The following ZNF280B variants were observed in gnomAD, a reference collection of about 807,000 sequenced individuals.
ZNF280B encodes zinc finger protein 280B.
ZNF280B carries 16 observed loss-of-function variants against 38.0 expected under a neutral mutation model. That is an observed-to-expected ratio of 0.42 (90% CI 0.28 to 0.64). The LOEUF is 0.64. Among genes scored for constraint, ZNF280B ranks in the 30% least tolerant of loss-of-function variants. The pLI, the probability that ZNF280B is intolerant of heterozygous loss-of-function variation, is 0.21. For missense variants in ZNF280B, 581 were observed against 639.6 expected, an observed-to-expected ratio of 0.91 and a Z score of 0.99; for synonymous variants, 253 against 230.6, an observed-to-expected ratio of 1.10 and a Z score of -0.88.
rs922143188 is a variant in ZNF280B at position 22,485,244 on chromosome 22, C to T, written c.*2523G>A. On this transcript the variant is annotated 3_prime_UTR_variant, in exon 4 of 4. Coordinates refer to ENST00000626650, the MANE Select transcript of ZNF280B (RefSeq NM_080764.4). The stretch of plus-strand genomic sequence containing the variant: ...AAACAACAGTGTTGATAATACCAAC[C>T]AATCACTCAACATACAACTAAAACA... The T allele has an allele frequency of 3.3e-5, 5 of 151,870 alleles. No individual in the cohort carries two copies. The highest frequency in any genetic ancestry group is 7.4e-5 in the Non-Finnish European group (5 of 67,998). The allele number at this position is 151,870 out of a possible 1,614,324, so 9.4% of individuals were successfully genotyped here.
Position 22,487,484 on chromosome 22 carries a change from T to TAA in ZNF280B, c.*281_*282dup, listed in dbSNP as rs1054406921. On this transcript the variant is annotated 3_prime_UTR_variant, in exon 4 of 4. Coordinates refer to ENST00000626650, the MANE Select transcript of ZNF280B (RefSeq NM_080764.4). ...AAAAAAAAAAAAAAAAAATTAAAAT[T>TAA]AAAAAAATAAATTAATACCTTTTTC... 1 of 185,782 alleles carries TAA rather than the reference T, an allele frequency of 5.4e-6. No homozygotes were observed. The highest frequency in any genetic ancestry group is 2.5e-5 in the African/African-American group (1 of 39,814). The allele number at this position is 185,782 out of a possible 1,614,324, so 11.5% of individuals were successfully genotyped here.
chr22:22,506,989 A>G (rs1012697624), intron 2 of ZNF280B, among the ~76,000 whole-genome samples: 3 of 151,938 alleles, frequency 2.0e-5, no homozygotes, highest in Admixed American at 2.0e-4. Flanking sequence ...ATGGTATGCC[A>G]CTTCAGAAAT....
At position 22,487,716 on chromosome 22, in the gene ZNF280B, G is replaced by T; in HGVS notation, c.*51C>A. The T allele has an allele frequency of 6.7e-7, 1 of 1,483,600 alleles. No homozygotes were observed. 91.9% of individuals were successfully genotyped at this position (1,483,600 alleles called of 1,614,324 possible). On this transcript the variant is annotated 3_prime_UTR_variant, in exon 4 of 4. Coordinates refer to ENST00000626650, the MANE Select transcript of ZNF280B (RefSeq NM_080764.4). ...ATGGTTTGTATTTTTTGTTTTATGA[G>T]GTTTTTTAATTTGGTTTGAAATACT...
chr22:22,489,412 T>G lies in ZNF280B; in HGVS notation c.-14A>C. 6.4e-7 allele frequency: 1 copy of G among 1,573,550 alleles called. No homozygotes were observed. The highest frequency in any genetic ancestry group is 8.6e-7 in the Non-Finnish European group (1 of 1,164,852). ...TGATTGTTCCATTTTCTAATTTTTTTATTCCTGAATGGTGGGGCCACAAGT... is the reference window on the plus strand; with the variant it reads ...TGATTGTTCCATTTTCTAATTTTTTGATTCCTGAATGGTGGGGCCACAAGT... On this transcript the variant is annotated 5_prime_UTR_variant, in exon 4 of 4. Transcript: ENST00000626650.
Position 22,487,447 on chromosome 22 carries a change from TAAA to T in ZNF280B, c.*317_*319del, listed in dbSNP as rs71199481. The T allele has an allele frequency of 0.031, 2,042 of 66,568 alleles. 8 individuals are homozygous for T. Among genetic ancestry groups the T allele is most frequent in the Middle Eastern group, 0.064 (6 of 94 alleles). The allele number at this position is 66,568 out of a possible 1,614,324, so 4.1% of individuals were successfully genotyped here. A position where few individuals can be genotyped will look rare whatever the true frequency, so the allele number is the denominator to read the frequency against. On this transcript the variant is annotated 3_prime_UTR_variant, in exon 4 of 4. Transcript: ENST00000626650. ...TAACAGTGAGACCCTGTCTCTAAAGTAAAAAAAAAAAAAAAAAAAAAAAAAAAA... is the reference window on the plus strand; with the variant it reads ...TAACAGTGAGACCCTGTCTCTAAAGTAAAAAAAAAAAAAAAAAAAAAAAAA...
At chr22:22,495,381 TAACA>T (rs1395252114) in intron 2 of ZNF280B, among the ~76,000 whole-genome samples, 1 of 151,946 alleles carries the variant, frequency 6.6e-6, no homozygotes, top group Admixed American at 6.6e-5. Context: ...CGGTAAACAT[TAACA>T]GACAGAAATG....
At position 22,489,297 on chromosome 22, in the gene ZNF280B, A is replaced by G; in HGVS notation, c.102T>C (p.Gly34=). The G allele has an allele frequency of 6.2e-7, 1 of 1,613,864 alleles. No individual in the cohort carries two copies. The highest frequency in any genetic ancestry group is 8.5e-7 in the Non-Finnish European group (1 of 1,179,962). Reference sequence around the variant, plus strand: ...CAGCATCTTCATTTACATGTTCCACACCAACAAAGATGAGCTCAGCATCTT... The same window carrying G: ...CAGCATCTTCATTTACATGTTCCACGCCAACAAAGATGAGCTCAGCATCTT... ...DDEDAELIFV[G]VEHVNEDAEL... is the part of the protein sequence containing the mutation. The change falls in exon 4 of 4, where the codon GGT becomes GGC. Residue 34 remains glycine (G), a synonymous_variant. Transcript: ENST00000626650.
intron 2 of ZNF280B, among the ~76,000 whole-genome samples, chr22:22,506,125 A>C (rs1403406279): frequency 2.6e-5 from 4 of 151,998 alleles, no homozygotes; most frequent in East Asian, 2.0e-4. Context: ...TGAGCAGGTA[A>C]ATCTATGAGA....
intron 2 of ZNF280B, among the ~76,000 whole-genome samples, chr22:22,503,955 A>C (rs1002196851): frequency 9.2e-5 from 14 of 152,124 alleles, no homozygotes; most frequent in African/African-American, 3.4e-4. Flanking sequence ...AGACTTCTGC[A>C]GAGCATTCAC....
chr22:22,491,438 C>A (rs1345822751), intron 3 of ZNF280B, among the ~76,000 whole-genome samples: 2 of 146,478 alleles, frequency 1.4e-5, no homozygotes, highest in African/African-American at 2.5e-5. Flanking sequence ...TTTTCTATTT[C>A]ATTTTTCTTG....
chr22:22,501,866 C>T (rs766120479), intron 2 of ZNF280B, among the ~76,000 whole-genome samples: 2 of 151,722 alleles, frequency 1.3e-5, no homozygotes, highest in African/African-American at 2.4e-5. Flanking sequence ...AAAAATTAAC[C>T]GGGCGTGGTA....
chr22:22,507,640 T>G (rs778601338), intron 2 of ZNF280B, among the ~76,000 whole-genome samples, 170 bp downstream of exon 2: 3 of 151,664 alleles, frequency 2.0e-5, no homozygotes, highest in Non-Finnish European at 2.9e-5. Context: ...GGTTCCCGAA[T>G]GACCTACATC....
chr22:22,502,636 T>C (rs1177244286), intron 2 of ZNF280B, among the ~76,000 whole-genome samples: 1 of 151,942 alleles, frequency 6.6e-6, no homozygotes, highest in Non-Finnish European at 1.5e-5. Context: ...ACGGTGTACC[T>C]TGAAAATACA....
intron 3 of ZNF280B, among the ~76,000 whole-genome samples, 176 bp from the exon 4 acceptor site, chr22:22,489,642 A>G (rs2061553851): frequency 6.6e-6 from 1 of 151,886 alleles, no homozygotes; most frequent in East Asian, 2.0e-4. Flanking sequence ...ATCTAGAATC[A>G]TAACTTTGCT....
Position 22,488,470 on chromosome 22 carries a change from A to C in ZNF280B, c.929T>G (p.Leu310Arg). 1 of 1,613,842 alleles carries C rather than the reference A, an allele frequency of 6.2e-7. No homozygotes were observed. The highest frequency in any genetic ancestry group is 8.5e-7 in the Non-Finnish European group (1 of 1,179,960). ...ATTTTTTAGAACTTTCACGCAGCTG[A>C]GGCATTTAAAGGTGGTGTGAGTCTT... is the stretch of plus-strand genomic sequence containing the variant. ...EQKTHTTFKC[L>R]SCVKVLKNVK... Residue 310 changes from leucine (L) to arginine (R), a missense_variant, in exon 4 of 4, where the codon CTC (leucine) becomes CGC (arginine). Coordinates refer to ENST00000626650, the MANE Select transcript of ZNF280B (RefSeq NM_080764.4).
intron 2 of ZNF280B, among the ~76,000 whole-genome samples, chr22:22,501,035 A>ACAAAAAAC (rs1459753000): frequency 1.0e-4 from 14 of 140,368 alleles, no homozygotes; most frequent in African/African-American, 2.5e-4. Flanking sequence ...AAAAAAAAAA[A>ACAAAAAAC]AAAAAACAAA....
intron 2 of ZNF280B, among the ~76,000 whole-genome samples, chr22:22,498,394 G>T (rs1393327855): frequency 6.6e-6 from 1 of 151,854 alleles, no homozygotes; most frequent in African/African-American, 2.4e-5. Flanking sequence ...AATAAAGAGG[G>T]TATATTACTA....
intron 2 of ZNF280B, among the ~76,000 whole-genome samples, chr22:22,504,442 A>AAC: frequency 6.6e-6 from 1 of 151,084 alleles, no homozygotes; most frequent in African/African-American, 2.4e-5. Context: ...AAAAAAAAAC[A>AAC]AACAAACAAC....
chr22:22,504,427 A>G (rs58449559), intron 2 of ZNF280B, among the ~76,000 whole-genome samples: 4,470 of 111,358 alleles, frequency 0.04, 129 homozygotes, highest in African/African-American at 0.11. Flanking sequence ...ACTCCGTCTG[A>G]AAAAAAAAAA....
Sources: allele counts gnomAD v4.1 joint callset (sites outside exome capture counted in the v4.1 genomes callset), GRCh38; gene constraint gnomAD v4.1.1; transcripts MANE v1.5; gene names NCBI Gene and HGNC (gene_info 2026-07-23, HGNC 2026-07-21).